Variants in UBAC2 observed in about 807,000 individuals in gnomAD.
UBAC2 encodes UBA domain containing 2.
UBAC2 carries 26 observed loss-of-function variants against 44.0 expected under a neutral mutation model. That is an observed-to-expected ratio of 0.59 (90% CI 0.43 to 0.82). UBAC2 has a LOEUF of 0.82. Among genes scored for constraint, UBAC2 ranks in the 40% least tolerant of loss-of-function variants. The pLI is 0.00. For missense variants in UBAC2, 329 were observed against 419.4 expected (o/e 0.78, Z 1.88); for synonymous variants, 155 against 154.3 (o/e 1.00, Z -0.04).
At chr13:99,371,780 A>G (rs1013564462) in intron 8 of UBAC2, among the ~76,000 whole-genome samples, 4 of 152,230 alleles carry the variant, frequency 2.6e-5, no homozygotes, top group Non-Finnish European at 1.5e-5. Context: ...CAGATACTTT[A>G]GGAATTTAGT....
At chr13:99,346,178 G>A (rs1373059198) in intron 7 of UBAC2, among the ~76,000 whole-genome samples, 1 of 152,052 alleles carries the variant, frequency 6.6e-6, no homozygotes, top group Non-Finnish European at 1.5e-5. Context: ...TGTCCTTCCT[G>A]CCTTCCCCAC....
intron 8 of UBAC2, among the ~76,000 whole-genome samples, chr13:99,370,210 G>T (rs1180366017): frequency 1.3e-5 from 2 of 152,196 alleles, no homozygotes; most frequent in African/African-American, 2.4e-5. Flanking sequence ...ACGGCACCAT[G>T]ATGTGTGCAA....
Position 99,367,882 on chromosome 13 carries a change from C to T in UBAC2, c.903C>T (p.Pro301=), listed in dbSNP as rs374342081. 2 of 1,613,784 alleles carry T rather than the reference C, an allele frequency of 1.2e-6. No homozygotes were observed. The highest frequency in any genetic ancestry group is 2.7e-5 in the African/African-American group (2 of 74,864). The change falls in exon 8 of 9, where the codon CCC becomes CCT. Residue 301 remains proline (P), a synonymous_variant. Transcript: ENST00000403766. ...GTCGGCAGTCTGAGCCAGCAGCGCCCCCTCTAGAAGTTTCTGAGGAACAGG... is the reference window on the plus strand; with the variant it reads ...GTCGGCAGTCTGAGCCAGCAGCGCCTCCTCTAGAAGTTTCTGAGGAACAGG... ...QGGRQSEPAA[P]PLEVSEEQVA...
At chr13:99,380,483 G>T (rs1439083569) in intron 8 of UBAC2, among the ~76,000 whole-genome samples, 1 of 152,156 alleles carries the variant, frequency 6.6e-6, no homozygotes, top group African/African-American at 2.4e-5. Flanking sequence ...TTTTGCTCCA[G>T]TTCTTACTGT....
At chr13:99,213,858 C>T (rs533684006) in intron 1 of UBAC2, among the ~76,000 whole-genome samples, 31 of 152,196 alleles carry the variant, frequency 2.0e-4, no homozygotes, top group Admixed American at 5.9e-4. Flanking sequence ...CTTGCTTTGT[C>T]GCTCAGGCTG....
rs948500245 is a variant in UBAC2, at chr13:99,298,628, A to T, written c.390-15469A>T. Among the ~76,000 whole-genome samples, 3 of 152,210 alleles carry T rather than the reference A, an allele frequency of 2.0e-5. No individual in the cohort carries two copies. The South Asian group carries it at 6.2e-4, about 32-fold the overall frequency. On this transcript the variant is annotated intron_variant, in intron 4 of 8. Coordinates refer to ENST00000403766, the MANE Select transcript of UBAC2 (RefSeq NM_001144072.2). The stretch of plus-strand genomic sequence containing the variant: ...GCAAGTGGAAGAAAACAATAGAGAT[A>T]ACTGCAGAAATTAATGAAATATAAA...
chr13:99,208,909 G>A (rs1020686883), intron 1 of UBAC2, among the ~76,000 whole-genome samples: 6 of 152,178 alleles, frequency 3.9e-5, no homozygotes, highest in African/African-American at 1.4e-4. Context: ...TATTTTGGTC[G>A]ATTTATTTTG....
intron 4 of UBAC2, among the ~76,000 whole-genome samples, chr13:99,274,364 C>G (rs2043855792): frequency 6.6e-6 from 1 of 151,802 alleles, no homozygotes; most frequent in Non-Finnish European, 1.5e-5. Context: ...TAGGGTCTTG[C>G]TCTGTTGCCC....
chr13:99,333,102 G>T lies in UBAC2; in HGVS notation c.562-7218G>T, dbSNP rs183238509. On this transcript the variant is annotated intron_variant, in intron 6 of 8. Coordinates refer to ENST00000403766, the MANE Select transcript of UBAC2 (RefSeq NM_001144072.2). Reference sequence around the variant, plus strand: ...CATGGTGAAACCCCGTCTCTGGGGGGGGAAGAAAGAGAGAGATAATGAAAA... The same window carrying T: ...CATGGTGAAACCCCGTCTCTGGGGGTGGAAGAAAGAGAGAGATAATGAAAA... Among the ~76,000 whole-genome samples the T allele has an allele frequency of 2.2e-4, 33 of 152,072 alleles. 1 individual carries two copies. The highest frequency in any genetic ancestry group is 1.7e-3 in the East Asian group (9 of 5,182).
At chr13:99,232,420 A>ATATATT (rs1438082766) in intron 1 of UBAC2, among the ~76,000 whole-genome samples, 2 of 142,614 alleles carry the variant, frequency 1.4e-5, no homozygotes, top group African/African-American at 2.6e-5. Context: ...ATATATATAT[A>ATATATT]TTCACACACA....
chr13:99,215,687 G>C (rs534732283), intron 1 of UBAC2: 2 of 1,496,190 alleles, frequency 1.3e-6, no homozygotes. Context: ...ACTGCAAGCC[G>C]GCTCTCTGCG....
chr13:99,210,185 T>G (rs1254291953), intron 1 of UBAC2, among the ~76,000 whole-genome samples: 1 of 152,232 alleles, frequency 6.6e-6, no homozygotes, highest in Non-Finnish European at 1.5e-5. Flanking sequence ...CTTATGTTCT[T>G]GTTTTGAAAT....
At chr13:99,344,334 T>G (rs1566512845) in intron 7 of UBAC2, among the ~76,000 whole-genome samples, 1 of 152,212 alleles carries the variant, frequency 6.6e-6, no homozygotes, top group Non-Finnish European at 1.5e-5. Context: ...TGGTGATTTG[T>G]TTTCCCCCTT....
At chr13:99,204,057 T>A (rs2042838606) in intron 1 of UBAC2, among the ~76,000 whole-genome samples, 1 of 152,230 alleles carries the variant, frequency 6.6e-6, no homozygotes, top group African/African-American at 2.4e-5. Flanking sequence ...GAGTAATATG[T>A]GTATCATTCA....
chr13:99,289,397 A>G (rs562366864), intron 4 of UBAC2, among the ~76,000 whole-genome samples: 1 of 152,332 alleles, frequency 6.6e-6, no homozygotes, highest in African/African-American at 2.4e-5. Context: ...AACCAACTAG[A>G]CAAACTTGAA....
chr13:99,376,267 C>T (rs2045479055), intron 8 of UBAC2, among the ~76,000 whole-genome samples: 1 of 152,218 alleles, frequency 6.6e-6, no homozygotes, highest in Non-Finnish European at 1.5e-5. Context: ...TCATGCTCCC[C>T]TGCCTTGGTC....
intron 1 of UBAC2, among the ~76,000 whole-genome samples, chr13:99,206,448 G>A (rs753684351): frequency 5.9e-5 from 9 of 152,186 alleles, no homozygotes; most frequent in Non-Finnish European, 1.0e-4. Context: ...ACGGAATCAC[G>A]CGTCCCGCAG....
intron 4 of UBAC2, among the ~76,000 whole-genome samples, chr13:99,257,297 C>T (rs956701904): frequency 1.3e-5 from 2 of 152,054 alleles, no homozygotes; most frequent in Non-Finnish European, 2.9e-5. Flanking sequence ...GGAGAGTAAT[C>T]TTGGAGGCTT....
chr13:99,302,568 A>G (rs952852364), intron 4 of UBAC2, among the ~76,000 whole-genome samples: 1 of 152,172 alleles, frequency 6.6e-6, no homozygotes, highest in African/African-American at 2.4e-5. Flanking sequence ...GCCCAGTGTC[A>G]CACATACTGG....
Sources: allele counts gnomAD v4.1 joint callset (sites outside exome capture counted in the v4.1 genomes callset), GRCh38; gene constraint gnomAD v4.1.1; transcripts MANE v1.5; gene names NCBI Gene and HGNC (gene_info 2026-07-23, HGNC 2026-07-21).